EIF4G3: variants seen among roughly 807,000 people sequenced by gnomAD.
EIF4G3 encodes the protein eukaryotic translation initiation factor 4 gamma 3.
A neutral mutation model predicts 186.4 loss-of-function variants in EIF4G3; 34 were observed. The observed-to-expected ratio is 0.18, with a 90% CI of 0.14 to 0.24. EIF4G3 has a LOEUF of 0.24. Among genes scored for constraint, EIF4G3 ranks in the 10% least tolerant of loss-of-function variants. The pLI, the probability that EIF4G3 is intolerant of heterozygous loss-of-function variation, is 1.00. For missense variants in EIF4G3, 1,536 were observed against 1,948.5 expected (o/e 0.79, Z 3.99); for synonymous variants, 673 against 679.5 (o/e 0.99, Z 0.15).
At chr1:20,990,347 C>G (rs535052051) in intron 7 of EIF4G3, among the ~76,000 whole-genome samples, 1 of 152,262 alleles carries the variant, frequency 6.6e-6, no homozygotes, top group African/African-American at 2.4e-5. Context: ...TCACTGAAGA[C>G]TGAGAAAATC....
Position 20,941,738 on chromosome 1 carries a change from T to G in EIF4G3, c.1416A>C (p.Pro472=). Residue 472 remains proline (P), a synonymous_variant, in exon 14 of 37, where the codon CCA becomes CCC. Transcript: ENST00000602326. ...ITPSTVPSFP[P]TPPTPPASPP... ...GAGAAGCTGGAGGAGTTGGAGGAGT[T>G]GGAGGAAAGGAAGGAACTGTGGAAG... 6.2e-7 allele frequency: 1 copy of G among 1,610,476 alleles called. No individual in the cohort carries two copies. The highest frequency in any genetic ancestry group is 8.5e-7 in the Non-Finnish European group (1 of 1,178,184).
chr1:20,965,415 G>A (rs1023489695), intron 12 of EIF4G3, among the ~76,000 whole-genome samples: 5 of 152,150 alleles, frequency 3.3e-5, no homozygotes, highest in Non-Finnish European at 5.9e-5. Flanking sequence ...TACGCCTGCT[G>A]TGCTGGCATT....
chr1:20,857,976 T>A (rs1379371527), intron 24 of EIF4G3, among the ~76,000 whole-genome samples: 2 of 152,204 alleles, frequency 1.3e-5, no homozygotes, highest in Non-Finnish European at 2.9e-5. Context: ...ACACTTCACA[T>A]CCAATTTTTG....
At chr1:20,915,768 G>A (rs182696948) in intron 14 of EIF4G3, among the ~76,000 whole-genome samples, 24 of 152,226 alleles carry the variant, frequency 1.6e-4, no homozygotes, top group Admixed American at 3.9e-4. Context: ...ATACTTAACG[G>A]TAAAAGATTG....
At chr1:20,999,600 CAAG>C (rs1014091687) in intron 6 of EIF4G3, 2 of 342,032 alleles carry the variant, frequency 5.8e-6, no homozygotes, top group African/African-American at 4.4e-5. Flanking sequence ...TTTCTATGAA[CAAG>C]AAGAGTATCT....
chr1:21,070,870 CA>C (rs1469523164), intron 3 of EIF4G3, among the ~76,000 whole-genome samples: 38 of 152,124 alleles, frequency 2.5e-4, no homozygotes, highest in Admixed American at 2.5e-3. Context: ...AAGAAACTTC[CA>C]AAGAACTTGA....
At chr1:21,174,061 CAA>C (rs2098048245) in intron 2 of EIF4G3, among the ~76,000 whole-genome samples, 1 of 151,916 alleles carries the variant, frequency 6.6e-6, no homozygotes, top group South Asian at 2.1e-4. Context: ...TGTGTAAAAG[CAA>C]AGAGAAAACA....
intron 4 of EIF4G3, among the ~76,000 whole-genome samples, chr1:21,010,076 T>A (rs1247406348): frequency 6.6e-6 from 1 of 152,124 alleles, no homozygotes; most frequent in East Asian, 1.9e-4. Context: ...ACTGAACACT[T>A]GAAATGTGAC....
chr1:21,087,774 C>T (rs1285597053), intron 3 of EIF4G3, among the ~76,000 whole-genome samples: 2 of 152,160 alleles, frequency 1.3e-5, no homozygotes, highest in Non-Finnish European at 1.5e-5. Flanking sequence ...GCTGGGACTA[C>T]AGGCGCCCGC....
intron 2 of EIF4G3, among the ~76,000 whole-genome samples, chr1:21,149,400 C>T (rs1276621357): frequency 6.6e-6 from 1 of 151,742 alleles, no homozygotes; most frequent in Non-Finnish European, 1.5e-5. Context: ...AGAAGGGGGG[C>T]TTTTCTGTTT....
At chr1:20,885,084 T>G (rs1267415690) in intron 19 of EIF4G3, among the ~76,000 whole-genome samples, 1 of 152,210 alleles carries the variant, frequency 6.6e-6, no homozygotes, top group African/African-American at 2.4e-5. Flanking sequence ...GGGCTGCCAC[T>G]GATCTGACAG....
chr1:21,163,523 CATA>C (rs2097798389), intron 2 of EIF4G3, among the ~76,000 whole-genome samples: 1 of 152,188 alleles, frequency 6.6e-6, no homozygotes, highest in Non-Finnish European at 1.5e-5. Flanking sequence ...TGGAGACATG[CATA>C]ATAATTTAAA....
intron 2 of EIF4G3, chr1:21,168,124 C>T: frequency 6.5e-6 from 3 of 458,092 alleles, no homozygotes; most frequent in South Asian, 4.8e-5. Context: ...TATCTCTTGG[C>T]TGGGTGTGGT....
At chr1:21,142,104 G>A (rs1228318851) in intron 2 of EIF4G3, among the ~76,000 whole-genome samples, 1 of 152,172 alleles carries the variant, frequency 6.6e-6, no homozygotes, top group Admixed American at 6.6e-5. Flanking sequence ...AAGCTACTCA[G>A]GAGGCTGAGG....
At chr1:20,976,452 C>A (rs1440109068) in intron 10 of EIF4G3, among the ~76,000 whole-genome samples, 1 of 151,778 alleles carries the variant, frequency 6.6e-6, no homozygotes, top group African/African-American at 2.4e-5. Flanking sequence ...CAGTAAACGG[C>A]AGTTTTCTTT....
At chr1:20,822,795 G>A (rs978342290) in intron 33 of EIF4G3, among the ~76,000 whole-genome samples, 3 of 151,916 alleles carry the variant, frequency 2.0e-5, no homozygotes, top group Non-Finnish European at 4.4e-5. Flanking sequence ...TCGATGATAT[G>A]TTGTGGTTTT....
At chr1:20,815,812 A>C (rs1281505153) in intron 34 of EIF4G3, among the ~76,000 whole-genome samples, 888 of 63,046 alleles carry the variant, frequency 0.014, no homozygotes, top group South Asian at 0.024. Context: ...CCAGCCGCCC[A>C]GTCCGGGAGG....
At chr1:21,032,168 TA>T (rs1186821827) in intron 4 of EIF4G3, among the ~76,000 whole-genome samples, 3 of 152,210 alleles carry the variant, frequency 2.0e-5, no homozygotes, top group Non-Finnish European at 4.4e-5. Flanking sequence ...CTATATCCAT[TA>T]ACGCTGGAAA....
intron 19 of EIF4G3, among the ~76,000 whole-genome samples, chr1:20,882,176 T>TACACACACAC (rs138208807): frequency 0.054 from 4,700 of 86,838 alleles, 93 homozygotes; most frequent in East Asian, 0.12. Flanking sequence ...AAAGAAAAAT[T>TACACACACAC]ACACACACAC....
Sources: gnomAD v4.1 joint callset for allele counts (sites outside exome capture counted in the v4.1 genomes callset) on GRCh38, gnomAD v4.1.1 for gene constraint, MANE v1.5 for transcripts, NCBI Gene and HGNC (gene_info 2026-07-23, HGNC 2026-07-21) for gene names.